DCC: variants seen among roughly 807,000 people sequenced by gnomAD.
DCC encodes the protein netrin receptor DCC.
Under a neutral mutation model 172.5 loss-of-function variants are expected in DCC, and 58 were observed. The observed-to-expected ratio is 0.34, with a 90% CI of 0.27 to 0.42. DCC has a LOEUF of 0.42. Ranked by LOEUF, DCC falls within the 10% of genes least tolerant of loss-of-function variation. The pLI is 1.00. For synonymous variants in DCC, 709 were observed against 644.5 expected (o/e 1.10, Z -1.52); for missense variants, 1,740 against 1,791.0 (o/e 0.97, Z 0.51).
At chr18:52,845,380 C>G (rs1332267100) in intron 2 of DCC, among the ~76,000 whole-genome samples, 2 of 152,238 alleles carry the variant, frequency 1.3e-5, no homozygotes, top group Non-Finnish European at 2.9e-5. Context: ...TGGATGATCT[C>G]AGCAATTCTC....
rs117441015 is a variant in DCC, at chr18:52,555,522, T to A, written c.92-196532T>A. Among the ~76,000 whole-genome samples, 23 of 152,204 alleles carry A rather than the reference T, an allele frequency of 1.5e-4. No homozygotes were observed. The East Asian group carries it at 4.1e-3, about 27-fold the overall frequency. On this transcript the variant is annotated intron_variant, in intron 1 of 28. Coordinates refer to ENST00000442544, the MANE Select transcript of DCC (RefSeq NM_005215.4). ...AGAGCCCTATAAGCTGAAAGAAGAA[T>A]GAACTAGATGATCTATTCACTTCTG...
At chr18:52,541,132 C>A (rs773440971) in intron 1 of DCC, among the ~76,000 whole-genome samples, 1 of 152,136 alleles carries the variant, frequency 6.6e-6, no homozygotes, top group Non-Finnish European at 1.5e-5. Flanking sequence ...AGTCATTTCA[C>A]GTGACATACC....
rs2144298670 is a variant in DCC at position 52,371,515 on chromosome 18, A to G, written c.91+30637A>G. On this transcript the variant is annotated intron_variant, in intron 1 of 28. Transcript: ENST00000442544. ...CGTTTACTAAGAGGTTTCAGAACGA[A>G]AAGTGTTTGTTAGTTGTTAACTCTT... 2.0e-5 allele frequency among the ~76,000 whole-genome samples: 3 copies of G among 152,300 alleles called. No homozygotes were observed. The East Asian group carries it at 5.8e-4, about 29-fold the overall frequency.
At chr18:53,513,074 A>C (rs1487247342) in intron 27 of DCC, among the ~76,000 whole-genome samples, 1 of 152,184 alleles carries the variant, frequency 6.6e-6, no homozygotes, top group South Asian at 2.1e-4. Context: ...AGGTCGGGTT[A>C]CCCTCAAAGG....
chr18:52,422,160 T>C (rs529367148), intron 1 of DCC, among the ~76,000 whole-genome samples: 40 of 152,252 alleles, frequency 2.6e-4, no homozygotes, highest in Non-Finnish European at 5.1e-4. Context: ...AAAAGAAAAG[T>C]GAGTGAATGC....
In DCC at chr18:53,429,087, A is replaced by AATATATATTTTATATATAAT. The variant is rs1221230245; in HGVS notation, c.3164-6038_3164-6019dup. Among the ~76,000 whole-genome samples the AATATATATTTTATATATAAT allele has an allele frequency of 1.0e-3, 85 of 82,572 alleles. 12 individuals are homozygous for AATATATATTTTATATATAAT. Among genetic ancestry groups the AATATATATTTTATATATAAT allele is most frequent in the South Asian group, 7.2e-3 (23 of 3,214 alleles). The allele number at this position is 82,572 out of a possible 152,430, so 54.2% of individuals were successfully genotyped here. A position where few individuals can be genotyped will look rare whatever the true frequency, so the allele number is the denominator to read the frequency against. On this transcript the variant is annotated intron_variant, in intron 21 of 28. Transcript: ENST00000442544. ...TTTATATATAATATATATTTTATAT[A>AATATATATTTTATATATAAT]ATATATATTTTATATATAATATATA...
chr18:53,106,137 C>T (rs1030565509), intron 7 of DCC, among the ~76,000 whole-genome samples: 1 of 151,828 alleles, frequency 6.6e-6, no homozygotes, highest in Non-Finnish European at 1.5e-5. Flanking sequence ...AGATTGTTTT[C>T]TCTTTCTTTC....
At chr18:53,399,904 C>CA (rs1234594700) in intron 18 of DCC, among the ~76,000 whole-genome samples, 47 of 160 alleles carry the variant, frequency 0.29, 20 homozygotes, top group African/African-American at 0.3. Context: ...GACTCCGTCT[C>CA]AAAAAAAAAA....
intron 12 of DCC, among the ~76,000 whole-genome samples, chr18:53,262,142 G>A (rs1285194494): frequency 6.6e-6 from 1 of 152,152 alleles, no homozygotes; most frequent in African/African-American, 2.4e-5. Flanking sequence ...CTGGAGCAGA[G>A]GCTAATCAGA....
chr18:52,661,364 C>T (rs2035355811), intron 1 of DCC, among the ~76,000 whole-genome samples: 1 of 152,188 alleles, frequency 6.6e-6, no homozygotes, highest in African/African-American at 2.4e-5. Flanking sequence ...AGGGAATGCT[C>T]TTTCTAGAGA....
At chr18:52,850,101 G>A (rs1322470624) in intron 2 of DCC, among the ~76,000 whole-genome samples, 1 of 152,090 alleles carries the variant, frequency 6.6e-6, no homozygotes, top group South Asian at 2.1e-4. Flanking sequence ...TTACCATCCC[G>A]AGGCTGTTAA....
At chr18:52,348,210 T>G (rs372225665) in intron 1 of DCC, among the ~76,000 whole-genome samples, 30 of 152,338 alleles carry the variant, frequency 2.0e-4, no homozygotes, top group East Asian at 1.5e-3. Context: ...TAATTAACCA[T>G]AGTTTATCTA....
intron 1 of DCC, among the ~76,000 whole-genome samples, chr18:52,371,641 G>C (rs1335082914): frequency 6.6e-6 from 1 of 152,194 alleles, no homozygotes; most frequent in Non-Finnish European, 1.5e-5. Flanking sequence ...CCTCCCGCCT[G>C]CTTCTTCTCT....
chr18:52,676,158 AC>A (rs1329209169), intron 1 of DCC, among the ~76,000 whole-genome samples: 4 of 152,208 alleles, frequency 2.6e-5, no homozygotes, highest in African/African-American at 9.6e-5. Flanking sequence ...GGAAGACTCC[AC>A]AGAGGCGGAA....
At chr18:52,381,766 C>G (rs1985596434) in intron 1 of DCC, among the ~76,000 whole-genome samples, 1 of 152,142 alleles carries the variant, frequency 6.6e-6, no homozygotes. Flanking sequence ...CTTCTCTTTT[C>G]TGCCCTAGCG....
At chr18:53,373,365 C>T (rs1217671423) in intron 15 of DCC, among the ~76,000 whole-genome samples, 1 of 151,938 alleles carries the variant, frequency 6.6e-6, no homozygotes, top group East Asian at 1.9e-4. Context: ...TTAATTTTTT[C>T]TGTTTTTATC....
rs965439768 is a variant in DCC at position 53,339,779 on chromosome 18, G to A, written c.2231G>A (p.Ser744Asn). 1 of 1,613,988 alleles carries A rather than the reference G, an allele frequency of 6.2e-7. No homozygotes were observed. Among genetic ancestry groups the A allele is most frequent in the South Asian group, 1.1e-5 (1 of 91,076 alleles). Residue 744 changes from serine to asparagine, a missense_variant, in exon 15 of 29, where the codon AGT becomes AAT. Physicochemically the swap from Ser to Asn is conservative, Grantham distance 46. This residue lies in a region of DCC where 1,732 missense variants were observed against 1,767.4 expected (regional missense o/e 0.98). Coordinates refer to ENST00000442544, the MANE Select transcript of DCC (RefSeq NM_005215.4). ...CCCCAGACTAACTGCATCATCATGA[G>A]TTGGACTCCTCCCTTGAACCCAAAC... ...VRPQTNCIIMSWTPPLNPNIV... is the reference protein window; with the variant it reads ...VRPQTNCIIMNWTPPLNPNIV...
intron 7 of DCC, among the ~76,000 whole-genome samples, chr18:53,067,833 A>C (rs1239060729): frequency 6.6e-6 from 1 of 152,172 alleles, no homozygotes; most frequent in Non-Finnish European, 1.5e-5. Flanking sequence ...AAGTAAGTTT[A>C]ATAGAAAGTA....
chr18:52,909,424 A>G (rs1186251339), intron 3 of DCC, among the ~76,000 whole-genome samples: 1 of 152,146 alleles, frequency 6.6e-6, no homozygotes, highest in Non-Finnish European at 1.5e-5. Flanking sequence ...TTAGTTTGAG[A>G]TGTAGATGTT....
Sources: allele counts gnomAD v4.1 joint callset (sites outside exome capture counted in the v4.1 genomes callset), GRCh38; gene constraint gnomAD v4.1.1; regional missense constraint gnomAD v4.1.1; transcripts MANE v1.5; gene names NCBI Gene and HGNC (gene_info 2026-07-23, HGNC 2026-07-21).